Variants in SMC1B observed in about 807,000 individuals in gnomAD.
The protein encoded by SMC1B is structural maintenance of chromosomes protein 1B.
SMC1B carries 60 observed loss-of-function variants against 157.9 expected under a neutral mutation model. That is an observed-to-expected ratio of 0.38 (90% CI 0.31 to 0.47). The LOEUF (loss-of-function observed/expected upper bound fraction) is 0.47. Among genes scored for constraint, SMC1B ranks in the 20% least tolerant of loss-of-function variants. SMC1B has a pLI of 0.99. For synonymous variants in SMC1B, 445 were observed against 483.0 expected, an observed-to-expected ratio of 0.92 and a Z score of 1.03; for missense variants, 1,165 against 1,426.2, an observed-to-expected ratio of 0.82 and a Z score of 2.95.
At chr22:45,412,730 T>A (rs2087358571) in intron 1 of SMC1B, among the ~76,000 whole-genome samples, 1 of 152,048 alleles carries the variant, frequency 6.6e-6, no homozygotes, top group African/African-American at 2.4e-5. Context: ...AGACCTCAGT[T>A]TCCCCAACTA....
chr22:45,392,978 GACGTGAGAC>G (rs1320199219), intron 9 of SMC1B, among the ~76,000 whole-genome samples: 1 of 152,166 alleles, frequency 6.6e-6, no homozygotes, highest in Non-Finnish European at 1.5e-5. Context: ...TAGGATTATA[GACGTGAGAC>G]ACTGCCCTGG....
Position 45,354,134 on chromosome 22 carries a change from TAA to T in SMC1B, c.3119-4_3119-3del. On this transcript the variant is annotated splice_polypyrimidine_tract_variant and splice_region_variant and intron_variant, in intron 20 of 24. Coordinates refer to ENST00000357450, the MANE Select transcript of SMC1B (RefSeq NM_148674.5). ...CTTCCTTTCTGCTGGCCTCAAAAGC[TAA>T]GAGAGAATCAATGTTCTTTATTTTA... 6.5e-7 allele frequency: 1 copy of T among 1,542,152 alleles called. No homozygotes were observed. The highest frequency in any genetic ancestry group is 8.7e-7 in the Non-Finnish European group (1 of 1,152,096).
At chr22:45,365,454 G>T (rs898142071) in intron 15 of SMC1B, among the ~76,000 whole-genome samples, 15 of 151,988 alleles carry the variant, frequency 9.9e-5, no homozygotes, top group African/African-American at 3.1e-4. Context: ...CTGTAATCCC[G>T]GGCACTTTGG....
At chr22:45,398,014 C>T (rs1267289297) in intron 6 of SMC1B, among the ~76,000 whole-genome samples, 1 of 152,140 alleles carries the variant, frequency 6.6e-6, no homozygotes, top group East Asian at 1.9e-4. Context: ...AGGGCAGCTG[C>T]CCCACATGAC....
intron 8 of SMC1B, among the ~76,000 whole-genome samples, chr22:45,394,475 A>C (rs1415542697): frequency 6.6e-6 from 1 of 152,060 alleles, no homozygotes; most frequent in East Asian, 1.9e-4. Flanking sequence ...CCCCATCTTT[A>C]CCAGAAATAG....
intron 21 of SMC1B, among the ~76,000 whole-genome samples, chr22:45,353,303 G>C (rs1401287332): frequency 6.6e-6 from 1 of 150,492 alleles, no homozygotes; most frequent in African/African-American, 2.4e-5. Flanking sequence ...AAAAAAAAAG[G>C]GTTAATGGGT....
intron 5 of SMC1B, among the ~76,000 whole-genome samples, chr22:45,401,284 G>A (rs1211026752): frequency 1.3e-5 from 2 of 152,262 alleles, no homozygotes; most frequent in Admixed American, 6.5e-5. Flanking sequence ...CCCTTTTAAC[G>A]AAAAGCAGCC....
At chr22:45,371,426 C>A in intron 14 of SMC1B, 45 bp downstream of exon 14, 1 of 1,516,266 alleles carries the variant, frequency 6.6e-7, no homozygotes, top group South Asian at 1.4e-5. Context: ...AGTATCTGGT[C>A]TAGAACTACA....
At chr22:45,353,854 G>T in intron 21 of SMC1B, 124 bp downstream of exon 21, 1 of 747,592 alleles carries the variant, frequency 1.3e-6, no homozygotes, top group East Asian at 2.9e-5. Flanking sequence ...TGCCCCATGA[G>T]TGAGTTGCTC....
At chr22:45,349,015 A>ATTTTTT (rs1183927337) in intron 23 of SMC1B, among the ~76,000 whole-genome samples, 1 of 99,660 alleles carries the variant, frequency 1.0e-5, no homozygotes. Flanking sequence ...ACAAGGACTG[A>ATTTTTT]TTTTTTTTTT....
At chr22:45,379,938 G>C (rs972285371) in intron 12 of SMC1B, among the ~76,000 whole-genome samples, 4 of 151,544 alleles carry the variant, frequency 2.6e-5, no homozygotes. Flanking sequence ...TCACCATGTT[G>C]GCCAGGCAGG....
intron 21 of SMC1B, 57 bp downstream of exon 21, chr22:45,353,921 C>T: frequency 2.5e-6 from 1 of 398,664 alleles, no homozygotes; most frequent in South Asian, 4.0e-5. Context: ...AAAAAAAAAA[C>T]AACCACCACC....
At position 45,358,751 on chromosome 22, in the gene SMC1B, A is replaced by G. The variant is rs765962405; in HGVS notation, c.2907T>C (p.Tyr969=). 1.2e-6 allele frequency: 2 copies of G among 1,613,212 alleles called. No individual in the cohort carries two copies. Among genetic ancestry groups the G allele is most frequent in the Non-Finnish European group, 1.7e-6 (2 of 1,179,584 alleles). ...CTATTTCAAAGGCTTCTTCTTTTTCATAGATATCAATTGTTGCCTGGGTAC... is the reference window on the plus strand; with the variant it reads ...CTATTTCAAAGGCTTCTTCTTTTTCGTAGATATCAATTGTTGCCTGGGTAC... The part of the protein sequence containing the change: ...AESTQATIDI[Y]EKEEAFEIDY... The change falls in exon 19 of 25, where the codon TAT becomes TAC. Residue 969 remains tyrosine (Y), a synonymous_variant. Transcript: ENST00000357450.
chr22:45,408,520 T>A (rs2146857092), intron 2 of SMC1B, among the ~76,000 whole-genome samples, 190 bp downstream of exon 2: 1 of 152,276 alleles, frequency 6.6e-6, no homozygotes, highest in East Asian at 1.9e-4. Context: ...AAAGCAGACA[T>A]AATTGGAGAA....
At position 45,350,271 on chromosome 22, in the gene SMC1B, A is replaced by T. The variant is rs201913193; in HGVS notation, c.3426-474T>A. Among the ~76,000 whole-genome samples the T allele has an allele frequency of 4.1e-3, 585 of 142,866 alleles. 4 individuals are homozygous for T. The highest frequency in any genetic ancestry group is 0.013 in the South Asian group (57 of 4,482). The allele number at this position is 142,866 out of a possible 152,430, so 93.7% of individuals were successfully genotyped here. A position where few individuals can be genotyped will look rare whatever the true frequency, so the allele number is the denominator to read the frequency against. Reference sequence around the variant, plus strand: ...CCTGAGTTCTTTTTTTTTTTTTTTAATTTTTTTTAAATTTTTTTATTTTTT... The same window carrying T: ...CCTGAGTTCTTTTTTTTTTTTTTTATTTTTTTTTAAATTTTTTTATTTTTT... On this transcript the variant is annotated intron_variant, in intron 22 of 24. Coordinates refer to ENST00000357450, the MANE Select transcript of SMC1B (RefSeq NM_148674.5).
intron 15 of SMC1B, among the ~76,000 whole-genome samples, chr22:45,366,329 T>G (rs570238727): frequency 2.0e-5 from 3 of 152,176 alleles, no homozygotes. Flanking sequence ...CAGCCTCCAG[T>G]TGGATTTTTG....
At position 45,355,171 on chromosome 22, in the gene SMC1B, A is replaced by C. The variant is rs1170283546; in HGVS notation, c.2962-56T>G. The C allele has an allele frequency of 3.8e-6, 6 of 1,590,986 alleles. No homozygotes were observed. In the African/African-American group the frequency reaches 6.7e-5, roughly 18 times the overall value. On this transcript the variant is annotated intron_variant, in intron 19 of 24. Coordinates refer to ENST00000357450, the MANE Select transcript of SMC1B (RefSeq NM_148674.5). ...CATGGCATGTCTTTTACATCCAGCA[A>C]GGTAGGGTGCGTGTGTGGGGCACTT...
At chr22:45,404,462 A>C (rs1569199573) in intron 4 of SMC1B, among the ~76,000 whole-genome samples, 1 of 152,208 alleles carries the variant, frequency 6.6e-6, no homozygotes, top group Non-Finnish European at 1.5e-5. Context: ...TTCCTGAACC[A>C]GGAGACAACC....
At chr22:45,348,613 C>G (rs1335665581) in intron 23 of SMC1B, among the ~76,000 whole-genome samples, 1 of 152,136 alleles carries the variant, frequency 6.6e-6, no homozygotes, top group Non-Finnish European at 1.5e-5. Context: ...CTCATTTGAC[C>G]CCCATGTTGA....
Sources: gnomAD v4.1 joint callset for allele counts (sites outside exome capture counted in the v4.1 genomes callset) on GRCh38, gnomAD v4.1.1 for gene constraint, MANE v1.5 for transcripts, NCBI Gene and HGNC (gene_info 2026-07-23, HGNC 2026-07-21) for gene names.